AKAP13: variants seen among roughly 807,000 people sequenced by gnomAD.
AKAP13 encodes the protein A-kinase anchor protein 13.
AKAP13 carries 80 observed loss-of-function variants against 264.5 expected under a neutral mutation model. The ratio of observed to expected loss-of-function variants is 0.30; its 90% confidence interval spans 0.25 to 0.36. AKAP13 has a LOEUF of 0.36. Among genes scored for constraint, AKAP13 ranks in the 10% least tolerant of loss-of-function variants. The pLI is 1.00. For missense variants in AKAP13, 3,712 were observed against 3,435.2 expected (o/e 1.08, Z -2.01); for synonymous variants, 1,380 against 1,250.2 (o/e 1.10, Z -2.19).
At chr15:85,664,815 G>GCCTT in intron 13 of AKAP13, 60 bp downstream of exon 13, 3 of 1,509,372 alleles carry the variant, frequency 2.0e-6, no homozygotes, top group Non-Finnish European at 2.7e-6. Context: ...GAACATAGAA[G>GCCTT]GCAAGGCTTC....
intron 5 of AKAP13, among the ~76,000 whole-genome samples, chr15:85,565,287 T>A (rs1466184727): frequency 6.6e-6 from 1 of 152,100 alleles, no homozygotes; most frequent in African/African-American, 2.4e-5. Flanking sequence ...TGGACCTTCC[T>A]GCAGTATTTA....
In AKAP13 at chr15:85,744,770, G is replaced by A. The variant is rs1018300223; in HGVS notation, c.*93G>A. On this transcript the variant is annotated 3_prime_UTR_variant, in exon 37 of 37. Transcript: ENST00000394518. The stretch of plus-strand genomic sequence containing the variant: ...CGTGCACAAGTCTCTTACACTGGAC[G>A]CCCACTGCTCCTCAGCGTCCAGTCC... 1.9e-5 allele frequency: 23 copies of A among 1,212,222 alleles called. No individual in the cohort carries two copies. In the Admixed American group the frequency reaches 1.9e-4, roughly 10 times the overall value. The allele number at this position is 1,212,222 out of a possible 1,614,324, so 75.1% of individuals were successfully genotyped here.
At chr15:85,597,045 C>A (rs1028409248) in intron 8 of AKAP13, among the ~76,000 whole-genome samples, 1 of 152,144 alleles carries the variant, frequency 6.6e-6, no homozygotes, top group South Asian at 2.1e-4. Context: ...CTGGAGATGT[C>A]CTGTTCCCTT....
At chr15:85,682,033 G>T (rs747538024) in intron 14 of AKAP13, 125 bp from the exon 15 acceptor site, 1 of 805,272 alleles carries the variant, frequency 1.2e-6, no homozygotes, top group Non-Finnish European at 2.1e-6. Flanking sequence ...GAAGGAGGAG[G>T]TACCATGTGC....
intron 29 of AKAP13, among the ~76,000 whole-genome samples, chr15:85,728,844 A>G (rs12442409): frequency 6.7e-6 from 1 of 149,852 alleles, no homozygotes; most frequent in Non-Finnish European, 1.5e-5. Flanking sequence ...TCATGTAATT[A>G]AAAAAAAAAA....
chr15:85,582,769 C>A, intron 7 of AKAP13: 1 of 584,942 alleles, frequency 1.7e-6, no homozygotes, highest in Non-Finnish European at 2.2e-6. Context: ...TTTTGGGCAG[C>A]AGTCTGAGAA....
intron 8 of AKAP13, among the ~76,000 whole-genome samples, chr15:85,616,520 A>T (rs2080943209): frequency 6.6e-6 from 1 of 152,182 alleles, no homozygotes; most frequent in Non-Finnish European, 1.5e-5. Flanking sequence ...AGAGGGCAGG[A>T]TGGAGGCTGC....
chr15:85,433,117 G>GTTTTTTTTTTTTTTTTT lies in AKAP13; in HGVS notation c.-12+52327_-12+52343dup, dbSNP rs199655190. Reference sequence around the variant, plus strand: ...TTAACACTGTGTTCCCTTCTGTACAGTTTTTTTTTTTTTTTTTTTTTTTTG... The same window carrying GTTTTTTTTTTTTTTTTT: ...TTAACACTGTGTTCCCTTCTGTACAGTTTTTTTTTTTTTTTTTTTTTTTTTTTTTTTTTTTTTTTTTG... On this transcript the variant is annotated intron_variant, in intron 1 of 36. Transcript: ENST00000394518. Among the ~76,000 whole-genome samples, 57 of 53,210 alleles carry GTTTTTTTTTTTTTTTTT rather than the reference G, an allele frequency of 1.1e-3. 1 individual carries two copies. The highest frequency in any genetic ancestry group is 0.024 in the Middle Eastern group (2 of 84). The allele number at this position is 53,210 out of a possible 152,430, so 34.9% of individuals were successfully genotyped here.
intron 19 of AKAP13, among the ~76,000 whole-genome samples, chr15:85,714,424 A>G (rs1377296006): frequency 6.6e-6 from 1 of 152,224 alleles, no homozygotes; most frequent in African/African-American, 2.4e-5. Flanking sequence ...CTGTAGTTAC[A>G]GGTGTTAAAC....
intron 9 of AKAP13, 123 bp from the exon 10 acceptor site, chr15:85,645,695 A>C: frequency 9.6e-7 from 1 of 1,038,554 alleles, no homozygotes; most frequent in Non-Finnish European, 1.3e-6. Flanking sequence ...GGGAAGGAAG[A>C]GAAAAGAGTG....
rs778708228 is a variant in AKAP13, at chr15:85,710,567, C to T, written c.5533-12C>T. 1.2e-6 allele frequency: 2 copies of T among 1,613,068 alleles called. No individual in the cohort carries two copies. Among genetic ancestry groups the T allele is most frequent in the Non-Finnish European group, 1.7e-6 (2 of 1,179,580 alleles). The stretch of plus-strand genomic sequence containing the variant: ...GGTGAATTGTCAATGGACTTACTTT[C>T]TTTCTCTTTAGCAGCCCAAAGGGAG... On this transcript the variant is annotated splice_polypyrimidine_tract_variant and intron_variant, in intron 18 of 36. Transcript: ENST00000394518.
chr15:85,384,943 A>C (rs914058459), intron 1 of AKAP13, among the ~76,000 whole-genome samples: 2 of 152,128 alleles, frequency 1.3e-5, no homozygotes, highest in East Asian at 3.8e-4. Context: ...TGTGTGGGGC[A>C]ATGCTGTGTT....
At chr15:85,722,833 T>C (rs942467884) in intron 25 of AKAP13, among the ~76,000 whole-genome samples, 2 of 152,228 alleles carry the variant, frequency 1.3e-5, no homozygotes, top group Admixed American at 1.3e-4. Flanking sequence ...TAGTTCCTTT[T>C]ATTTCAGAGC....
chr15:85,733,873 C>CTTTTTTTTTTTTTTTTTTTTTTT (rs72092500), intron 30 of AKAP13, among the ~76,000 whole-genome samples: 7 of 82,592 alleles, frequency 8.5e-5, no homozygotes, highest in African/African-American at 1.5e-4. Context: ...TCTTTCTTTT[C>CTTTTTTTTTTTTTTTTTTTTTTT]TTTTTTTTTT....
At chr15:85,689,943 A>T (rs1463453653) in intron 16 of AKAP13, 2 of 152,248 alleles carry the variant, frequency 1.3e-5, no homozygotes, top group African/African-American at 2.4e-5. Context: ...GATTTCACTA[A>T]TGGCAGCTCA....
intron 17 of AKAP13, among the ~76,000 whole-genome samples, chr15:85,693,857 A>G (rs1567199032): frequency 6.6e-6 from 1 of 152,216 alleles, no homozygotes; most frequent in Non-Finnish European, 1.5e-5. Context: ...ATTTTGGCCA[A>G]CTATAGTCTA....
chr15:85,562,691 C>CTTTTTTTTTTTTTTT (rs10598092), intron 5 of AKAP13, among the ~76,000 whole-genome samples: 4 of 100,520 alleles, frequency 4.0e-5, no homozygotes, highest in East Asian at 2.6e-4. Flanking sequence ...CTTTTCTTTT[C>CTTTTTTTTTTTTTTT]TTTTTTTTTT....
Position 85,639,258 on chromosome 15 carries a change from C to T in AKAP13, c.4162-116C>T, listed in dbSNP as rs940901629. On this transcript the variant is annotated intron_variant, in intron 8 of 36. Coordinates refer to ENST00000394518, the MANE Select transcript of AKAP13 (RefSeq NM_007200.5). The stretch of plus-strand genomic sequence containing the variant: ...TTTTTTCCCTTGACATAAGTTTGCT[C>T]ACCCTGTATTAAAGAAAAAGATAGG... 26 of 703,788 alleles carry T rather than the reference C, an allele frequency of 3.7e-5. No individual in the cohort carries two copies. In the African/African-American group the frequency reaches 4.5e-4, roughly 12 times the overall value. The allele number at this position is 703,788 out of a possible 1,614,324, so 43.6% of individuals were successfully genotyped here.
At chr15:85,533,487 T>C (rs2077303634) in intron 3 of AKAP13, 97 bp from the exon 4 acceptor site, 1 of 1,207,614 alleles carries the variant, frequency 8.3e-7, no homozygotes, top group Non-Finnish European at 1.1e-6. Flanking sequence ...GGAGGAGAAA[T>C]TTGTATGTCG....
Sources: allele counts gnomAD v4.1 joint callset (sites outside exome capture counted in the v4.1 genomes callset), GRCh38; gene constraint gnomAD v4.1.1; transcripts MANE v1.5; gene names NCBI Gene and HGNC (gene_info 2026-07-23, HGNC 2026-07-21).